RORA: variants seen among roughly 807,000 people sequenced by gnomAD.
RORA encodes the protein RAR related orphan receptor A, also known as nuclear receptor ROR-alpha.
In RORA, 7 loss-of-function variants were observed where a neutral mutation model predicts 69.5. The ratio of observed to expected loss-of-function variants is 0.10; its 90% CI spans 0.06 to 0.19. The LOEUF is 0.19. RORA is among the 10% of genes least tolerant of loss of function. The pLI is 1.00. For missense variants in RORA, 457 were observed against 663.0 expected, an observed-to-expected ratio of 0.69 and a Z score of 3.41; for synonymous variants, 261 against 240.8, an observed-to-expected ratio of 1.08 and a Z score of -0.78.
At chr15:60,744,045 A>G (rs1157061514) in intron 1 of RORA, among the ~76,000 whole-genome samples, 2 of 151,836 alleles carry the variant, frequency 1.3e-5, no homozygotes, top group Non-Finnish European at 1.5e-5. Context: ...TAAGAATCAG[A>G]AAGCACTAGG....
intron 1 of RORA, among the ~76,000 whole-genome samples, chr15:60,773,368 C>T (rs773776709): frequency 6.6e-6 from 1 of 151,932 alleles, no homozygotes; most frequent in African/African-American, 2.4e-5. Context: ...TTTTCTGAAC[C>T]GTTTGAGGAT....
chr15:60,724,296 G>A (rs577106272), intron 1 of RORA, among the ~76,000 whole-genome samples: 4 of 152,154 alleles, frequency 2.6e-5, no homozygotes, highest in African/African-American at 9.7e-5. Flanking sequence ...GTTGAGTACT[G>A]TTCCAAGCAC....
intron 1 of RORA, among the ~76,000 whole-genome samples, chr15:61,228,024 T>TC (rs1026648487): frequency 2.3e-5 from 3 of 132,984 alleles, no homozygotes; most frequent in Non-Finnish European, 4.8e-5. Flanking sequence ...GTCCCCCCCA[T>TC]CCCCCCCAAC....
At chr15:60,737,908 C>T (rs943594314) in intron 1 of RORA, among the ~76,000 whole-genome samples, 6 of 152,202 alleles carry the variant, frequency 3.9e-5, no homozygotes, top group African/African-American at 1.4e-4. Flanking sequence ...CGGTGACAGC[C>T]GTCCACTTTT....
Position 60,516,175 on chromosome 15 carries a change from ATATATATATT to A in RORA, c.283-1428_283-1419del, listed in dbSNP as rs1337850530. Among the ~76,000 whole-genome samples the A allele has an allele frequency of 2.2e-3, 63 of 28,264 alleles. 1 individual carries two copies. The highest frequency in any genetic ancestry group is 8.7e-3 in the East Asian group (7 of 802). The allele number at this position is 28,264 out of a possible 152,430, so 18.5% of individuals were successfully genotyped here. Reference sequence around the variant, plus strand: ...TATATATATATTTATATATATATTTATATATATATTTATATATATATTTATATATATATTT... The same window carrying A: ...TATATATATATTTATATATATATTTATATATATATATTTATATATATATTT... On this transcript the variant is annotated intron_variant, in intron 3 of 10. Transcript: ENST00000335670.
chr15:61,159,200 A>G (rs1046512016), intron 1 of RORA, among the ~76,000 whole-genome samples: 23 of 152,194 alleles, frequency 1.5e-4, no homozygotes, highest in African/African-American at 5.1e-4. Flanking sequence ...CTTAGCCTAT[A>G]TCAAGAGTCC....
chr15:61,194,968 C>A (rs1050194122), intron 1 of RORA, among the ~76,000 whole-genome samples: 45 of 147,042 alleles, frequency 3.1e-4, no homozygotes, highest in African/African-American at 5.5e-4. Flanking sequence ...AGCACCAGAA[C>A]AAAAAAAAAA....
At chr15:61,191,453 A>G (rs2079799435) in intron 1 of RORA, among the ~76,000 whole-genome samples, 1 of 152,028 alleles carries the variant, frequency 6.6e-6, no homozygotes, top group South Asian at 2.1e-4. Context: ...AGATGACACC[A>G]CCACACAACC....
intron 2 of RORA, among the ~76,000 whole-genome samples, chr15:60,629,187 CTTTT>C (rs34687322): frequency 6.2e-5 from 7 of 112,026 alleles, no homozygotes; most frequent in African/African-American, 2.2e-4. Flanking sequence ...ACTGTTTATT[CTTTT>C]TTTTTTTTTT....
chr15:61,062,494 A>C (rs566366604), intron 1 of RORA, among the ~76,000 whole-genome samples: 69 of 152,198 alleles, frequency 4.5e-4, no homozygotes, highest in African/African-American at 1.6e-3. Context: ...GAGGAGGGAA[A>C]CTTTAGGGGA....
At chr15:60,826,753 CT>C (rs2072965137) in intron 1 of RORA, among the ~76,000 whole-genome samples, 2 of 93,112 alleles carry the variant, frequency 2.1e-5, no homozygotes, top group African/African-American at 2.9e-5. Flanking sequence ...CTCTCTCTCT[CT>C]CTCTCTCTCT....
intron 1 of RORA, among the ~76,000 whole-genome samples, chr15:60,954,272 T>A (rs1181883254): frequency 8.2e-6 from 1 of 122,310 alleles, no homozygotes; most frequent in Non-Finnish European, 1.6e-5. Flanking sequence ...AAGGGGAATA[T>A]CACACTCTGG....
At chr15:61,180,143 CAAAAA>C (rs71456351) in intron 1 of RORA, among the ~76,000 whole-genome samples, 3 of 36,690 alleles carry the variant, frequency 8.2e-5, no homozygotes, top group Non-Finnish European at 1.6e-4. Flanking sequence ...GACTCCATCT[CAAAAA>C]AAAAAAAAAA....
chr15:60,577,972 C>G (rs1449220953), intron 2 of RORA, among the ~76,000 whole-genome samples: 1 of 152,164 alleles, frequency 6.6e-6, no homozygotes, highest in Non-Finnish European at 1.5e-5. Context: ...TGAAGAAAAT[C>G]TGGCCTCACA....
chr15:60,839,187 C>T lies in RORA; in HGVS notation c.167-160501G>A, dbSNP rs528408984. 2.3e-4 allele frequency among the ~76,000 whole-genome samples: 35 copies of T among 152,188 alleles called. No individual in the cohort carries two copies. The South Asian group carries it at 2.9e-3, about 13-fold the overall frequency. ...TGCTGCGATTACAGGCGTGAGCCAC[C>T]GCGCCTGGCCTCAACATATATTTTT... is the stretch of plus-strand genomic sequence containing the variant. On this transcript the variant is annotated intron_variant, in intron 1 of 10. Coordinates refer to ENST00000335670, the MANE Select transcript of RORA (RefSeq NM_134261.3).
At chr15:60,781,167 G>A (rs944551113) in intron 1 of RORA, among the ~76,000 whole-genome samples, 6 of 152,128 alleles carry the variant, frequency 3.9e-5, no homozygotes, top group Admixed American at 2.6e-4. Flanking sequence ...CTGGCTGGTC[G>A]TGCTAGGGTG....
At chr15:60,964,863 T>C (rs1056795076) in intron 1 of RORA, among the ~76,000 whole-genome samples, 1 of 152,166 alleles carries the variant, frequency 6.6e-6, no homozygotes, top group Non-Finnish European at 1.5e-5. Context: ...CAGAAGCATA[T>C]GCAAGTGACC....
intron 3 of RORA, among the ~76,000 whole-genome samples, chr15:60,526,421 C>T (rs1462407745): frequency 6.6e-6 from 1 of 152,182 alleles, no homozygotes; most frequent in East Asian, 1.9e-4. Context: ...TGGCTTCGAG[C>T]CAGGCGTTTT....
At chr15:60,917,002 G>T (rs1891891759) in intron 1 of RORA, among the ~76,000 whole-genome samples, 2 of 152,208 alleles carry the variant, frequency 1.3e-5, no homozygotes, top group African/African-American at 4.8e-5. Flanking sequence ...GGTGATGGGA[G>T]GGGGTGGTGC....
Sources: allele counts gnomAD v4.1 joint callset (sites outside exome capture counted in the v4.1 genomes callset), GRCh38; gene constraint gnomAD v4.1.1; transcripts MANE v1.5; gene names NCBI Gene and HGNC (gene_info 2026-07-23, HGNC 2026-07-21).